The following DIS3L variants were observed in gnomAD, a reference collection of about 807,000 sequenced individuals.
DIS3L encodes DIS3-like exonuclease 1.
A neutral mutation model predicts 120.3 loss-of-function variants in DIS3L; 100 were observed. The ratio of observed to expected loss-of-function variants is 0.83; its 90% CI spans 0.71 to 0.98. The LOEUF (loss-of-function observed/expected upper bound fraction) is 0.98. Among genes scored for constraint, DIS3L ranks in the 50% least tolerant of loss-of-function variants. The pLI is 0.00. For synonymous variants in DIS3L, 426 were observed against 470.6 expected, an observed-to-expected ratio of 0.91 and a Z score of 1.23; for missense variants, 1,196 against 1,314.2, an observed-to-expected ratio of 0.91 and a Z score of 1.39.
chr15:66,326,461 C>G (rs2092939459), intron 12 of DIS3L, 97 bp downstream of exon 12: 1 of 1,328,524 alleles, frequency 7.5e-7, no homozygotes, highest in Non-Finnish European at 1.0e-6. Flanking sequence ...GATCTTTGAC[C>G]AAAAAGAGAA....
upstream of DIS3L, chr15:66,293,435 G>A: frequency 3.4e-6 from 4 of 1,190,806 alleles, no homozygotes; most frequent in Non-Finnish European, 4.2e-6. Context: ...AAGGCCGGGA[G>A]GGCCGGGCCC....
Position 66,326,178 on chromosome 15 carries a change from A to T in DIS3L, c.2015A>T (p.Lys672Met), listed in dbSNP as rs141355915. The change falls in exon 12 of 17, where the codon AAG (lysine) becomes ATG (methionine). Residue 672 changes from lysine to methionine, a missense_variant. Coordinates refer to ENST00000319212, the MANE Select transcript of DIS3L (RefSeq NM_001143688.3). ...DKKNIHDLIP[K>M]QPLEVHETVA... ...AAGAACATTCACGACCTCATCCCCAAGCAGCCCCTGGAAGTCCACGAGACA... is the reference window on the plus strand; with the variant it reads ...AAGAACATTCACGACCTCATCCCCATGCAGCCCCTGGAAGTCCACGAGACA... 4.2e-5 allele frequency: 68 copies of T among 1,614,116 alleles called. No individual in the cohort carries two copies. The African/African-American group carries it at 8.3e-4, about 20-fold the overall frequency.
At chr15:66,330,666 T>C (rs971522602) in intron 14 of DIS3L, 4 of 349,352 alleles carry the variant, frequency 1.1e-5, no homozygotes, top group African/African-American at 2.2e-5. Context: ...TGGCCACTTG[T>C]GGTTAGTGGC....
intron 2 of DIS3L, 113 bp downstream of exon 2, chr15:66,295,254 T>A: frequency 9.7e-7 from 1 of 1,031,932 alleles, no homozygotes; most frequent in Non-Finnish European, 1.4e-6. Context: ...AAGGGACTTT[T>A]AAAACTAATT....
At chr15:66,304,193 G>T (rs2092679612) in intron 2 of DIS3L, among the ~76,000 whole-genome samples, 1 of 151,514 alleles carries the variant, frequency 6.6e-6, no homozygotes, top group South Asian at 2.1e-4. Context: ...GCTCACACTT[G>T]TAATCCCAAC....
chr15:66,314,997 T>C (rs1566946785), intron 6 of DIS3L, 39 bp from the exon 7 acceptor site: 5 of 1,599,466 alleles, frequency 3.1e-6, no homozygotes, highest in African/African-American at 1.3e-5. Context: ...TGCCATTCCC[T>C]TGGCTTTATG....
intron 12 of DIS3L, among the ~76,000 whole-genome samples, chr15:66,327,598 A>T (rs951673744): frequency 1.3e-5 from 2 of 151,982 alleles, no homozygotes; most frequent in African/African-American, 4.8e-5. Flanking sequence ...TCCACTAAAA[A>T]TACAAAAAAT....
chr15:66,318,222 C>T (rs2092841066), intron 7 of DIS3L, among the ~76,000 whole-genome samples: 1 of 152,150 alleles, frequency 6.6e-6, no homozygotes, highest in South Asian at 2.1e-4. Flanking sequence ...GATCCTCCTG[C>T]CCCAGCCTCC....
At chr15:66,332,485 A>AGT (rs778480622) in intron 15 of DIS3L, among the ~76,000 whole-genome samples, 1,785 of 109,740 alleles carry the variant, frequency 0.016, 32 homozygotes, top group South Asian at 0.051. Flanking sequence ...TGAAGACTGG[A>AGT]GTGTGTGTGT....
intron 4 of DIS3L, 52 bp downstream of exon 4, chr15:66,308,896 A>G (rs2140347582): frequency 6.4e-7 from 1 of 1,562,578 alleles, no homozygotes; most frequent in Non-Finnish European, 8.7e-7. Flanking sequence ...AGTAGTACCC[A>G]TAAGGCTCTA....
chr15:66,316,354 A>G (rs1246345548), intron 7 of DIS3L, among the ~76,000 whole-genome samples: 1 of 151,502 alleles, frequency 6.6e-6, no homozygotes, highest in Non-Finnish European at 1.5e-5. Context: ...TCCAACTCTA[A>G]TGCATGGCCT....
Position 66,325,861 on chromosome 15 carries a change from T to C in DIS3L, c.1698T>C (p.Asp566=). 1 of 1,611,824 alleles carries C rather than the reference T, an allele frequency of 6.2e-7. No homozygotes were observed. Among genetic ancestry groups the C allele is most frequent in the African/African-American group, 1.3e-5 (1 of 75,030 alleles). ...CTGTAAGCATCATGTGGGAACTGGATAAAGCCTCTTATGAAATTAAGAAAG... is the reference window on the plus strand; with the variant it reads ...CTGTAAGCATCATGTGGGAACTGGACAAAGCCTCTTATGAAATTAAGAAAG... ...RYAVSIMWEL[D]KASYEIKKVW... The change falls in exon 12 of 17, where the codon GAT becomes GAC. Residue 566 remains aspartate (D), a synonymous_variant. Coordinates refer to ENST00000319212, the MANE Select transcript of DIS3L (RefSeq NM_001143688.3).
intron 6 of DIS3L, 27 bp downstream of exon 6, chr15:66,314,144 C>T: frequency 7.0e-7 from 1 of 1,421,562 alleles, no homozygotes; most frequent in Non-Finnish European, 9.2e-7. Flanking sequence ...ACATAAATTT[C>T]CATACTCCTT....
chr15:66,309,094 A>AAAAAAAAAAATAT lies in DIS3L; in HGVS notation c.558+251_558+252insAAAAAAAAATATA. On this transcript the variant is annotated intron_variant, in intron 4 of 16. Transcript: ENST00000319212. The stretch of plus-strand genomic sequence containing the variant: ...CTTGTCTCTACAGAAAAAAAAAAAA[A>AAAAAAAAAAATAT]ATATATATATCTCCAAGCATGGTGG... 2.6e-4 allele frequency among the ~76,000 whole-genome samples: 4 copies of AAAAAAAAAAATAT among 15,314 alleles called. 1 individual carries two copies. Among genetic ancestry groups the AAAAAAAAAAATAT allele is most frequent in the Non-Finnish European group, 4.8e-4 (4 of 8,306 alleles). The allele number at this position is 15,314 out of a possible 152,430, so 10.0% of individuals were successfully genotyped here. A position where few individuals can be genotyped will look rare whatever the true frequency, so the allele number is the denominator to read the frequency against.
intron 14 of DIS3L, 139 bp downstream of exon 14, chr15:66,329,538 T>G: frequency 7.5e-7 from 1 of 1,333,184 alleles, no homozygotes. Context: ...TTCAGAACAT[T>G]TGTAGATGTT....
At chr15:66,312,598 G>A (rs918938585) in intron 5 of DIS3L, among the ~76,000 whole-genome samples, 4 of 152,022 alleles carry the variant, frequency 2.6e-5, no homozygotes, top group Admixed American at 2.0e-4. Context: ...CCCTTTCAAG[G>A]GCCTCTTTGT....
At position 66,333,820 on chromosome 15, in the gene DIS3L, A is replaced by C. The variant is rs2093029718; in HGVS notation, c.*508A>C. 6.6e-6 allele frequency: 1 copy of C among 151,748 alleles called. No homozygotes were observed. The highest frequency in any genetic ancestry group is 1.5e-5 in the Non-Finnish European group (1 of 68,020). 9.4% of individuals were successfully genotyped at this position (151,748 alleles called of 1,614,324 possible). The stretch of plus-strand genomic sequence containing the variant: ...AGGTCACTATGGAAACAGAGTTTTC[A>C]GTAATGAGTGGACAGTAAGTGGTGG... On this transcript the variant is annotated 3_prime_UTR_variant, in exon 17 of 17. Coordinates refer to ENST00000319212, the MANE Select transcript of DIS3L (RefSeq NM_001143688.3).
intron 1 of DIS3L, chr15:66,294,347 G>GA: frequency 1.0e-6 from 1 of 985,552 alleles, no homozygotes; most frequent in South Asian, 4.7e-5. Flanking sequence ...GTGGCCGATA[G>GA]AACGATGCAC....
intron 12 of DIS3L, among the ~76,000 whole-genome samples, chr15:66,328,166 A>T (rs1000397396): frequency 1.3e-5 from 2 of 152,180 alleles, no homozygotes; most frequent in Non-Finnish European, 2.9e-5. Flanking sequence ...GTCTGAAGAG[A>T]TTAAGTAATT....
Sources: gnomAD v4.1 joint callset for allele counts (sites outside exome capture counted in the v4.1 genomes callset) on GRCh38, gnomAD v4.1.1 for gene constraint, MANE v1.5 for transcripts, NCBI Gene and HGNC (gene_info 2026-07-23, HGNC 2026-07-21) for gene names.